The following BAIAP2 variants were observed in gnomAD, a reference collection of about 807,000 sequenced individuals.
The protein encoded by BAIAP2 is BAR/IMD domain containing adaptor protein 2, also known as BAR/IMD domain-containing adapter protein 2.
In BAIAP2, 18 loss-of-function variants were observed where a neutral mutation model predicts 63.0. The ratio of observed to expected loss-of-function variants is 0.29; its 90% CI spans 0.20 to 0.42. The LOEUF (loss-of-function observed/expected upper bound fraction) is 0.42, where lower values mean the gene tolerates loss of function less well. BAIAP2 is among the 10% of genes least tolerant of loss of function. The pLI, the probability that BAIAP2 is intolerant of heterozygous loss-of-function variation, is 1.00. For missense variants in BAIAP2, 610 were observed against 734.3 expected (o/e 0.83, Z 1.96); for synonymous variants, 386 against 307.6 (o/e 1.25, Z -2.67).
chr17:81,107,269 AG>A, intron 12 of BAIAP2: 1 of 232,092 alleles, frequency 4.3e-6, no homozygotes, highest in Non-Finnish European at 8.4e-6. Context: ...TGGGAGAGCC[AG>A]GGGGGCAGGA....
intron 1 of BAIAP2, among the ~76,000 whole-genome samples, chr17:81,049,907 G>GC (rs1316732717): frequency 1.3e-5 from 2 of 152,272 alleles, no homozygotes; most frequent in Non-Finnish European, 2.9e-5. Context: ...TTCCACACGG[G>GC]CCCACTGGGT....
intron 1 of BAIAP2, among the ~76,000 whole-genome samples, chr17:81,052,886 A>C (rs2048893058): frequency 6.6e-6 from 1 of 151,954 alleles, no homozygotes. Context: ...ATAACAAATG[A>C]CCGGAAGACA....
chr17:81,066,431 G>T (rs761870234), intron 3 of BAIAP2, among the ~76,000 whole-genome samples: 10 of 152,228 alleles, frequency 6.6e-5, no homozygotes, highest in African/African-American at 2.4e-4. Context: ...CATAGCTGTT[G>T]GCTGCAGTGC....
intron 1 of BAIAP2, among the ~76,000 whole-genome samples, chr17:81,044,344 A>G (rs1277551966): frequency 1.3e-5 from 2 of 152,164 alleles, no homozygotes; most frequent in Non-Finnish European, 2.9e-5. Context: ...TGACCTAGTG[A>G]CCGGGCCTTT....
At chr17:81,060,018 G>A (rs1026677943) in intron 3 of BAIAP2, among the ~76,000 whole-genome samples, 11 of 152,170 alleles carry the variant, frequency 7.2e-5, no homozygotes, top group African/African-American at 2.7e-4. Context: ...GAGACGTGAG[G>A]GCTCTTACTT....
At chr17:81,106,043 C>T (rs2059145404) in intron 10 of BAIAP2, 35 bp from the exon 11 acceptor site, 1 of 1,548,912 alleles carries the variant, frequency 6.5e-7, no homozygotes, top group Non-Finnish European at 8.7e-7. Flanking sequence ...AGCCTCTGGG[C>T]TGAGCGTGGC....
chr17:81,057,866 T>C lies in BAIAP2; in HGVS notation c.131-15T>C, dbSNP rs753612878. On this transcript the variant is annotated splice_polypyrimidine_tract_variant and intron_variant, in intron 2 of 13. Transcript: ENST00000428708. ...CTCGTGGAGGAAATAACTGCTCCCT[T>C]TTCTTCTCTCTCAGGTGTGACGTAT... 3 of 1,607,034 alleles carry C rather than the reference T, an allele frequency of 1.9e-6. No homozygotes were observed. The highest frequency in any genetic ancestry group is 8.5e-7 in the Non-Finnish European group (1 of 1,176,036).
intron 6 of BAIAP2, among the ~76,000 whole-genome samples, chr17:81,092,922 G>T (rs2057021900): frequency 1.3e-5 from 2 of 152,156 alleles, no homozygotes; most frequent in South Asian, 4.1e-4. Context: ...TAGAACAGAG[G>T]GGTGTGGCTG....
intron 1 of BAIAP2, among the ~76,000 whole-genome samples, chr17:81,044,850 T>G (rs2047582476): frequency 6.6e-6 from 1 of 152,192 alleles, no homozygotes; most frequent in African/African-American, 2.4e-5. Flanking sequence ...GCCAGCTCAG[T>G]GCTGGCCACA....
At chr17:81,104,895 C>T (rs907505963) in intron 10 of BAIAP2, among the ~76,000 whole-genome samples, 180 bp downstream of exon 10, 3 of 152,078 alleles carry the variant, frequency 2.0e-5, no homozygotes, top group Non-Finnish European at 2.9e-5. Flanking sequence ...CACCAACAGG[C>T]GTCTTCTCCC....
Position 81,112,128 on chromosome 17 carries a change from C to T in BAIAP2, c.1535+3619C>T, listed in dbSNP as rs146204529. 4.4e-3 allele frequency among the ~76,000 whole-genome samples: 671 copies of T among 152,370 alleles called. 6 individuals carry two copies. Among genetic ancestry groups the T allele is most frequent in the Middle Eastern group, 0.014 (4 of 294 alleles). On this transcript the variant is annotated intron_variant, in intron 13 of 13. Coordinates refer to ENST00000428708, the MANE Select transcript of BAIAP2 (RefSeq NM_001144888.2). ...CTTCCGCCTCCATCTTCCTCCCTTC[C>T]GAGACGCTGTTTCTGGGAGGCCTCC...
At chr17:81,060,749 C>G (rs2050401181) in intron 3 of BAIAP2, among the ~76,000 whole-genome samples, 1 of 152,164 alleles carries the variant, frequency 6.6e-6, no homozygotes. Context: ...CTAGTGTGGC[C>G]AAGTCCTACT....
In BAIAP2 at chr17:81,104,810, A is replaced by G. The variant is rs72854146; in HGVS notation, c.1268+95A>G. 204,374 of 1,337,584 alleles carry G rather than the reference A, an allele frequency of 0.15. 17,415 individuals are homozygous for G. The highest frequency in any genetic ancestry group is 0.34 in the Admixed American group (15,317 of 45,310). 82.9% of individuals were successfully genotyped at this position (1,337,584 alleles called of 1,614,324 possible). A position where few individuals can be genotyped will look rare whatever the true frequency, so the allele number is the denominator to read the frequency against. ...AAGTGCACTGAGACCTTGTGTTTAGAGTGGCTGTGCAGGTTGCGGGTCCTC... is the reference window on the plus strand; with the variant it reads ...AAGTGCACTGAGACCTTGTGTTTAGGGTGGCTGTGCAGGTTGCGGGTCCTC... On this transcript the variant is annotated intron_variant, in intron 10 of 13. Coordinates refer to ENST00000428708, the MANE Select transcript of BAIAP2 (RefSeq NM_001144888.2).
At position 81,073,216 on chromosome 17, in the gene BAIAP2, G is replaced by C. The variant is rs572561100; in HGVS notation, c.218-11616G>C. ...CCTCAGAGATCGAAGCCTCCTTCTC[G>C]GACCTTCCCCACCACTGTGGTCCCA... is the stretch of plus-strand genomic sequence containing the variant. On this transcript the variant is annotated intron_variant, in intron 3 of 13. Coordinates refer to ENST00000428708, the MANE Select transcript of BAIAP2 (RefSeq NM_001144888.2). 2.0e-4 allele frequency among the ~76,000 whole-genome samples: 31 copies of C among 152,216 alleles called. 1 individual carries two copies. The South Asian group carries it at 5.6e-3, about 28-fold the overall frequency.
Position 81,106,864 on chromosome 17 carries a change from T to G in BAIAP2, c.1457T>G (p.Phe486Cys). 6.2e-7 allele frequency: 1 copy of G among 1,605,192 alleles called. No homozygotes were observed. The highest frequency in any genetic ancestry group is 8.5e-7 in the Non-Finnish European group (1 of 1,176,198). Residue 486 changes from phenylalanine (F) to cysteine (C), a missense_variant, in exon 12 of 14, where the codon TTC (phenylalanine) becomes TGC (cysteine). Around this residue, in one of 5 missense-constraint regions of BAIAP2, gnomAD observed 114 missense variants for 98.2 expected, o/e 1.16. Transcript: ENST00000428708. The part of the protein sequence containing the change: ...RAFPAQTASG[F>C]KQRPYSVAVP... ...TTCCCCGCCCAGACGGCCAGCGGCT[T>G]CAAGCAGAGGCCCTACAGTGTGGCC...
At chr17:81,055,045 C>T (rs998374698) in intron 2 of BAIAP2, among the ~76,000 whole-genome samples, 5 of 152,176 alleles carry the variant, frequency 3.3e-5, no homozygotes, top group Admixed American at 6.5e-5. Flanking sequence ...GTGTGTTTTC[C>T]GGGACACGTG....
At chr17:81,075,569 G>T (rs2144960652) in intron 3 of BAIAP2, among the ~76,000 whole-genome samples, 1 of 152,332 alleles carries the variant, frequency 6.6e-6, no homozygotes, top group South Asian at 2.1e-4. Context: ...AGCAGTGCCT[G>T]CCTCCTTGTG....
At chr17:81,062,102 C>T (rs1237834944) in intron 3 of BAIAP2, among the ~76,000 whole-genome samples, 3 of 152,108 alleles carry the variant, frequency 2.0e-5, no homozygotes, top group Non-Finnish European at 2.9e-5. Context: ...GCCACCACAC[C>T]CGCCTAATTT....
Position 81,085,704 on chromosome 17 carries a change from G to T in BAIAP2, c.330G>T (p.Glu110Asp), listed in dbSNP as rs373474550. ...TTACGCAGCTGGAGCAGAAGGTGGA[G>T]CTGGACTCCAGGTATCTGAGTGTAA... The part of the protein sequence containing the change: ...ELLTQLEQKV[E>D]LDSRYLSAAL... The change falls in exon 5 of 14, where the codon GAG becomes GAT. Residue 110 changes from glutamate (E) to aspartate (D), a missense_variant. Glu to Asp is a conservative substitution (Grantham distance 45). Coordinates refer to ENST00000428708, the MANE Select transcript of BAIAP2 (RefSeq NM_001144888.2). The T allele has an allele frequency of 2.5e-5, 41 of 1,613,656 alleles. No individual in the cohort carries two copies. The African/African-American group carries it at 4.9e-4, about 19-fold the overall frequency.
Sources: allele counts gnomAD v4.1 joint callset (sites outside exome capture counted in the v4.1 genomes callset), GRCh38; gene constraint gnomAD v4.1.1; regional missense constraint gnomAD v4.1.1; transcripts MANE v1.5; gene names NCBI Gene and HGNC (gene_info 2026-07-23, HGNC 2026-07-21).